The following KIAA1217 variants were observed in gnomAD, a reference collection of about 807,000 sequenced individuals.
The protein encoded by KIAA1217 is KIAA1217.
Under a neutral mutation model 163.9 loss-of-function variants are expected in KIAA1217, and 88 were observed. That is an observed-to-expected ratio of 0.54 (90% CI 0.45 to 0.64). The LOEUF is 0.64. KIAA1217 is among the 30% of genes least tolerant of loss of function. The pLI, the probability that KIAA1217 is intolerant of heterozygous loss-of-function variation, is 0.00. For missense variants in KIAA1217, 2,372 were observed against 2,475.0 expected (o/e 0.96, Z 0.88); for synonymous variants, 903 against 923.1 (o/e 0.98, Z 0.39).
In KIAA1217 at chr10:24,531,994, G is replaced by C; in HGVS notation, c.3246+1G>C. The C allele has an allele frequency of 6.5e-7, 1 of 1,542,740 alleles. No individual in the cohort carries two copies. Among genetic ancestry groups the C allele is most frequent in the Non-Finnish European group, 8.8e-7 (1 of 1,137,042 alleles). On this transcript the variant is annotated splice_donor_variant, in intron 15 of 20. Transcript: ENST00000376454. LOFTEE classifies it high-confidence loss of function. ...CAGAAAGGAGAACATCACCGCTAAG[G>C]TCTGATAGGCTAAGCCCTGGTAAAC...
chr10:23,717,079 CTGCCTTACTT>C (rs1837616970), intron 1 of KIAA1217, among the ~76,000 whole-genome samples: 1 of 152,124 alleles, frequency 6.6e-6, no homozygotes, highest in Non-Finnish European at 1.5e-5. Context: ...GATTAAACCC[CTGCCTTACTT>C]TGCCCCTTCT....
chr10:23,940,475 A>AG (rs1271644148), intron 1 of KIAA1217, among the ~76,000 whole-genome samples: 1 of 151,140 alleles, frequency 6.6e-6, no homozygotes, highest in Admixed American at 6.6e-5. Flanking sequence ...AAAAAAAAAA[A>AG]AAAAAAAAAG....
Position 24,533,097 on chromosome 10 carries a change from C to A in KIAA1217, c.3274C>A (p.Pro1092Thr). The part of the protein sequence containing the change: ...KASSEDAGPS[P>T]QTRATKYPAE... The stretch of plus-strand genomic sequence containing the variant: ...AAGCAGTGAAGATGCTGGACCAAGC[C>A]CACAGACCAGAGCTACAAAATATCC... Residue 1092 changes from proline (P) to threonine (T), a missense_variant, in exon 16 of 21, where the codon CCA becomes ACA. Physicochemically the swap from Pro to Thr is conservative, Grantham distance 38. Transcript: ENST00000376454. 6.2e-7 allele frequency: 1 copy of A among 1,613,098 alleles called. No individual in the cohort carries two copies. Among genetic ancestry groups the A allele is most frequent in the Admixed American group, 1.7e-5 (1 of 59,932 alleles).
chr10:24,029,359 G>A (rs1052305231), intron 2 of KIAA1217, among the ~76,000 whole-genome samples: 1 of 152,074 alleles, frequency 6.6e-6, no homozygotes, highest in East Asian at 1.9e-4. Flanking sequence ...CATATGAGAG[G>A]TATAGACTAT....
chr10:23,863,260 C>T (rs11013759), intron 1 of KIAA1217, among the ~76,000 whole-genome samples: 1,963 of 152,266 alleles, frequency 0.013, 56 homozygotes, highest in African/African-American at 0.044. Context: ...ACCAAACTCC[C>T]GATCTTAATT....
At chr10:24,050,706 G>C (rs569498768) in intron 2 of KIAA1217, among the ~76,000 whole-genome samples, 12 of 152,216 alleles carry the variant, frequency 7.9e-5, no homozygotes, top group African/African-American at 2.6e-4. Context: ...GGTTACTGTA[G>C]CCTTGTAGTA....
intron 8 of KIAA1217, among the ~76,000 whole-genome samples, chr10:24,496,559 G>GAGA (rs149118142): frequency 6.6e-6 from 1 of 152,106 alleles, no homozygotes; most frequent in Non-Finnish European, 1.5e-5. Context: ...TTGCTTTATA[G>GAGA]AGAAGAAGAA....
At chr10:24,307,016 T>C (rs1002907232) in intron 2 of KIAA1217, among the ~76,000 whole-genome samples, 7 of 152,352 alleles carry the variant, frequency 4.6e-5, no homozygotes, top group South Asian at 2.1e-4. Context: ...TCCCAGTTTT[T>C]AGACTGTAGC....
intron 13 of KIAA1217, among the ~76,000 whole-genome samples, chr10:24,524,998 G>A (rs2071881733): frequency 6.6e-6 from 1 of 152,016 alleles, no homozygotes; most frequent in African/African-American, 2.4e-5. Context: ...AGGAAGGTGA[G>A]ACACCTGGCC....
chr10:24,352,352 G>T (rs2048553342), intron 2 of KIAA1217, among the ~76,000 whole-genome samples: 1 of 152,178 alleles, frequency 6.6e-6, no homozygotes, highest in African/African-American at 2.4e-5. Flanking sequence ...GAATATTTTT[G>T]CATGGATGTG....
chr10:24,385,776 G>T (rs1437076097), intron 3 of KIAA1217, among the ~76,000 whole-genome samples: 1 of 152,180 alleles, frequency 6.6e-6, no homozygotes, highest in Non-Finnish European at 1.5e-5. Context: ...AAGACCAGGA[G>T]AAAGGAAGAC....
chr10:24,521,477 A>G (rs1438760158), intron 11 of KIAA1217, among the ~76,000 whole-genome samples: 1 of 152,190 alleles, frequency 6.6e-6, no homozygotes, highest in African/African-American at 2.4e-5. Flanking sequence ...ACTGCACTCC[A>G]GCCTGGATGA....
At chr10:24,437,757 T>C (rs2060160440) in intron 4 of KIAA1217, among the ~76,000 whole-genome samples, 1 of 151,764 alleles carries the variant, frequency 6.6e-6, no homozygotes, top group Non-Finnish European at 1.5e-5. Context: ...CATCCAGCAA[T>C]TCGATTTGTA....
chr10:24,357,389 C>T (rs960087460), intron 2 of KIAA1217, among the ~76,000 whole-genome samples: 1 of 152,184 alleles, frequency 6.6e-6, no homozygotes. Context: ...TATCCCACCT[C>T]TTTTCCCTAT....
chr10:23,853,731 G>T (rs922390094), intron 1 of KIAA1217, among the ~76,000 whole-genome samples: 1 of 152,116 alleles, frequency 6.6e-6, no homozygotes, highest in South Asian at 2.1e-4. Flanking sequence ...CTTCTTCCTG[G>T]TTTAGTCTTG....
At chr10:24,227,159 A>ATTATTG (rs2070692381) in intron 2 of KIAA1217, among the ~76,000 whole-genome samples, 1 of 150,776 alleles carries the variant, frequency 6.6e-6, no homozygotes, top group Non-Finnish European at 1.5e-5. Flanking sequence ...TATTATTATT[A>ATTATTG]TTATTATCAT....
chr10:23,943,097 C>T (rs1327023162), intron 1 of KIAA1217, among the ~76,000 whole-genome samples: 1 of 151,878 alleles, frequency 6.6e-6, no homozygotes, highest in Non-Finnish European at 1.5e-5. Flanking sequence ...TGCAATTTAG[C>T]CTGGTGTCAG....
chr10:23,844,105 A>G (rs1032904642), intron 1 of KIAA1217, among the ~76,000 whole-genome samples: 1 of 152,162 alleles, frequency 6.6e-6, no homozygotes, highest in African/African-American at 2.4e-5. Flanking sequence ...TTTTCAACCA[A>G]TCTTTTTATG....
chr10:24,207,282 T>TCTCTCTCACACACACACACA (rs529791287), upstream of KIAA1217, among the ~76,000 whole-genome samples: 2,028 of 140,132 alleles, frequency 0.014, 60 homozygotes, highest in African/African-American at 0.055. Context: ...TCTCTCTCTC[T>TCTCTCTCACACACACACACA]CACACACACA....
Sources: gnomAD v4.1 joint callset for allele counts (sites outside exome capture counted in the v4.1 genomes callset) on GRCh38, gnomAD v4.1.1 for gene constraint, MANE v1.5 for transcripts, NCBI Gene and HGNC (gene_info 2026-07-23, HGNC 2026-07-21) for gene names.